MYO16: variants seen among roughly 807,000 people sequenced by gnomAD.
MYO16 encodes the protein myosin XVI, also known as unconventional myosin-XVI.
MYO16 carries 94 observed loss-of-function variants against 205.3 expected under a neutral mutation model. That is an observed-to-expected ratio of 0.46 (90% CI 0.39 to 0.54). The LOEUF (loss-of-function observed/expected upper bound fraction) is 0.54, where lower values mean the gene tolerates loss of function less well. Among genes scored for constraint, MYO16 ranks in the 20% least tolerant of loss-of-function variants. MYO16 has a pLI of 0.00. For missense variants in MYO16, 2,315 were observed against 2,387.5 expected, an observed-to-expected ratio of 0.97 and a Z score of 0.63; for synonymous variants, 988 against 954.0, an observed-to-expected ratio of 1.04 and a Z score of -0.66.
At chr13:109,062,117 T>C (rs1403595888) in intron 27 of MYO16, among the ~76,000 whole-genome samples, 2 of 152,162 alleles carry the variant, frequency 1.3e-5, no homozygotes, top group Non-Finnish European at 2.9e-5. Context: ...ATTAGAAAAT[T>C]ATTTTTACCT....
chr13:108,869,730 CTAAAAAAAAAAAA>C (rs1259112333), intron 12 of MYO16, among the ~76,000 whole-genome samples: 11 of 16,944 alleles, frequency 6.5e-4, no homozygotes, highest in East Asian at 1.8e-3. Context: ...GACTCCGTTT[CTAAAAAAAAAAAA>C]AAAAAAAAAA....
At chr13:108,650,901 A>G (rs1025759817) in intron 1 of MYO16, among the ~76,000 whole-genome samples, 2 of 152,232 alleles carry the variant, frequency 1.3e-5, no homozygotes, top group Non-Finnish European at 2.9e-5. Flanking sequence ...TTAAAGGGCC[A>G]GATTTTTTAG....
At chr13:109,131,884 C>G (rs550849896) in intron 31 of MYO16, among the ~76,000 whole-genome samples, 1 of 152,280 alleles carries the variant, frequency 6.6e-6, no homozygotes, top group Middle Eastern at 3.4e-3. Flanking sequence ...TATAAGCCTG[C>G]ATTTCATGCG....
intron 34 of MYO16, among the ~76,000 whole-genome samples, chr13:109,193,615 C>G (rs563896031): frequency 1.3e-5 from 2 of 152,266 alleles, no homozygotes; most frequent in South Asian, 4.1e-4. Flanking sequence ...CTGTGTCCTG[C>G]AAAACAATGT....
At chr13:108,897,219 A>G (rs1452954040) in intron 14 of MYO16, among the ~76,000 whole-genome samples, 2 of 152,152 alleles carry the variant, frequency 1.3e-5, no homozygotes, top group East Asian at 3.9e-4. Flanking sequence ...CCAGATTTTC[A>G]TACATTTTGG....
At position 109,125,375 on chromosome 13, in the gene MYO16, T is replaced by C. The variant is rs776758928; in HGVS notation, c.3782+17T>C. The C allele has an allele frequency of 6.2e-7, 1 of 1,612,792 alleles. No individual in the cohort carries two copies. Among genetic ancestry groups the C allele is most frequent in the South Asian group, 1.1e-5 (1 of 90,788 alleles). On this transcript the variant is annotated intron_variant, in intron 30 of 34. Coordinates refer to ENST00000457511, the MANE Select transcript of MYO16 (RefSeq NM_001198950.3). The surrounding 1 kb of genome is among the most constrained non-coding windows in gnomAD (Gnocchi z 4.0). Reference sequence around the variant, plus strand: ...AAGCAAAAGGTAAAGGCAGAGAGCATGCAATTTTAATTACCTTTGTGATTG... The same window carrying C: ...AAGCAAAAGGTAAAGGCAGAGAGCACGCAATTTTAATTACCTTTGTGATTG...
At chr13:108,782,850 G>A (rs1426345300) in intron 4 of MYO16, among the ~76,000 whole-genome samples, 1 of 152,166 alleles carries the variant, frequency 6.6e-6, no homozygotes, top group Non-Finnish European at 1.5e-5. Context: ...CCTGCAGGTA[G>A]ACAGAAGTCA....
At chr13:108,584,516 A>AC in the MYO16 span, among the ~76,000 whole-genome samples, 1 of 151,812 alleles carries the variant, frequency 6.6e-6, no homozygotes, top group African/African-American at 2.4e-5. Flanking sequence ...GAAATATACA[A>AC]TTTTTTTATT....
intron 32 of MYO16, among the ~76,000 whole-genome samples, chr13:109,144,310 C>T (rs9514989): frequency 0.21 from 31,814 of 152,064 alleles, 4,026 homozygotes; most frequent in Middle Eastern, 0.29. Flanking sequence ...CCACCATGCC[C>T]GGCCAAATGT....
intron 27 of MYO16, among the ~76,000 whole-genome samples, chr13:109,070,239 A>G (rs373542327): frequency 4.6e-5 from 7 of 152,142 alleles, no homozygotes; most frequent in African/African-American, 1.7e-4. Context: ...ATCTTCCCAT[A>G]AGTCTCATTG....
chr13:108,767,011 G>A (rs2139667796), intron 4 of MYO16, among the ~76,000 whole-genome samples: 1 of 152,294 alleles, frequency 6.6e-6, no homozygotes, highest in East Asian at 1.9e-4. Context: ...TTTTGAAGAT[G>A]TCTTTCAGAG....
At chr13:108,871,888 C>A (rs1398366254) in intron 12 of MYO16, among the ~76,000 whole-genome samples, 1 of 152,112 alleles carries the variant, frequency 6.6e-6, no homozygotes, top group African/African-American at 2.4e-5. Flanking sequence ...ACTATCCCTG[C>A]CATTAGATGC....
chr13:108,667,963 C>G (rs1412531604), intron 2 of MYO16, among the ~76,000 whole-genome samples: 2 of 152,018 alleles, frequency 1.3e-5, no homozygotes, highest in Non-Finnish European at 2.9e-5. Context: ...TTGTTTGAGC[C>G]TGGGGATTAA....
chr13:109,177,480 A>C (rs1879254849), intron 33 of MYO16, among the ~76,000 whole-genome samples: 1 of 151,956 alleles, frequency 6.6e-6, no homozygotes, highest in Non-Finnish European at 1.5e-5. Context: ...TGATTCTGAG[A>C]TCCAACTTCT....
intron 21 of MYO16, among the ~76,000 whole-genome samples, chr13:108,999,050 G>A (rs1178402809): frequency 1.3e-5 from 2 of 152,142 alleles, no homozygotes; most frequent in Non-Finnish European, 2.9e-5. Context: ...CCTCTTGATG[G>A]TGAAGGACCA....
chr13:108,820,235 G>C lies in MYO16; in HGVS notation c.868-102G>C, dbSNP rs1594319108. On this transcript the variant is annotated intron_variant, in intron 7 of 34. Coordinates refer to ENST00000457511, the MANE Select transcript of MYO16 (RefSeq NM_001198950.3). ...ACTTCTGAGTGGGAATGCTGATACT[G>C]TCTCATGCCGGCTGTTAGTTGGACA... 1.1e-5 allele frequency: 9 copies of C among 801,496 alleles called. No individual in the cohort carries two copies. The East Asian group carries it at 2.2e-4, about 20-fold the overall frequency. The allele number at this position is 801,496 out of a possible 1,614,324, so 49.6% of individuals were successfully genotyped here. A position where few individuals can be genotyped will look rare whatever the true frequency, so the allele number is the denominator to read the frequency against.
At chr13:108,947,334 C>T (rs1034185843) in intron 16 of MYO16, among the ~76,000 whole-genome samples, 2 of 152,094 alleles carry the variant, frequency 1.3e-5, no homozygotes, top group African/African-American at 2.4e-5. Context: ...TGTGTGCATG[C>T]GCGCTGCCCT....
At chr13:109,058,132 G>GTT (rs1156335351) in intron 27 of MYO16, among the ~76,000 whole-genome samples, 1 of 152,122 alleles carries the variant, frequency 6.6e-6, no homozygotes, top group Non-Finnish European at 1.5e-5. Flanking sequence ...TCCAGCTGAT[G>GTT]TTAACATTGT....
intron 27 of MYO16, among the ~76,000 whole-genome samples, chr13:109,056,355 C>T (rs188349629): frequency 6.6e-6 from 1 of 152,282 alleles, no homozygotes; most frequent in Non-Finnish European, 1.5e-5. Flanking sequence ...AAAGCAACAT[C>T]ATCCCCTCAG....
Sources: allele counts gnomAD v4.1 joint callset (sites outside exome capture counted in the v4.1 genomes callset), GRCh38; gene constraint gnomAD v4.1.1; non-coding constraint Gnocchi (gnomAD v3.1); transcripts MANE v1.5; gene names NCBI Gene and HGNC (gene_info 2026-07-23, HGNC 2026-07-21).